The following ZNF248 variants were observed in gnomAD, a reference collection of about 807,000 sequenced individuals.
ZNF248 encodes KRAB protein domain.
ZNF248 carries 20 observed loss-of-function variants against 44.3 expected under a neutral mutation model. The observed-to-expected ratio is 0.45, with a 90% CI of 0.32 to 0.66. The LOEUF (loss-of-function observed/expected upper bound fraction) is 0.66, where lower values mean the gene tolerates loss of function less well. Ranked by LOEUF, ZNF248 falls within the 30% of genes least tolerant of loss-of-function variation. ZNF248 has a pLI of 0.04. For synonymous variants in ZNF248, 224 were observed against 229.0 expected (o/e 0.98, Z 0.20); for missense variants, 654 against 677.0 (o/e 0.97, Z 0.38).
chr10:37,828,622 T>G (rs1428076875), downstream of ZNF248: 1 of 944,870 alleles, frequency 1.1e-6, no homozygotes, highest in African/African-American at 1.8e-5. Context: ...TGCCACCCCG[T>G]GATCACAATG....
At chr10:37,845,238 G>T (rs902178357) in intron 3 of ZNF248, among the ~76,000 whole-genome samples, 6 of 151,664 alleles carry the variant, frequency 4.0e-5, no homozygotes, top group Non-Finnish European at 7.4e-5. Context: ...GGCTGGTCTC[G>T]AACTCCTGGA....
At chr10:37,793,714 T>C (rs1424091531) in intron 6 of ZNF248, among the ~76,000 whole-genome samples, 2 of 152,188 alleles carry the variant, frequency 1.3e-5, no homozygotes, top group Non-Finnish European at 1.5e-5. Flanking sequence ...AGAGACCTTA[T>C]ATGTTTATTT....
intron 6 of ZNF248, among the ~76,000 whole-genome samples, chr10:37,817,047 C>T (rs2052599130): frequency 6.6e-6 from 1 of 152,092 alleles, no homozygotes; most frequent in Admixed American, 6.6e-5. Context: ...CTGTACTAAC[C>T]TGCAATTTAG....
downstream of ZNF248, chr10:37,775,479 C>A (rs2046517046): frequency 6.6e-6 from 1 of 152,072 alleles, no homozygotes; most frequent in Non-Finnish European, 1.5e-5. Flanking sequence ...TTCCTAAAAA[C>A]TGCTGCCCAC....
intron 6 of ZNF248, among the ~76,000 whole-genome samples, chr10:37,821,762 C>A (rs1455917830): frequency 6.6e-6 from 1 of 152,230 alleles, no homozygotes; most frequent in Non-Finnish European, 1.5e-5. Context: ...CTTGAAAACA[C>A]AAGACGCTAA....
intron 6 of ZNF248, among the ~76,000 whole-genome samples, chr10:37,797,058 A>G (rs1276934843): frequency 6.6e-6 from 1 of 152,172 alleles, no homozygotes; most frequent in African/African-American, 2.4e-5. Flanking sequence ...ACCCTTTGAG[A>G]TAGGTTATAT....
chr10:37,855,614 C>A (rs956134591), intron 3 of ZNF248, among the ~76,000 whole-genome samples: 1 of 152,166 alleles, frequency 6.6e-6, no homozygotes, highest in Non-Finnish European at 1.5e-5. Flanking sequence ...ATTACAGACA[C>A]CAACAGAGGA....
intron 6 of ZNF248, among the ~76,000 whole-genome samples, chr10:37,782,154 G>A (rs1160667096): frequency 6.6e-6 from 1 of 152,194 alleles, no homozygotes; most frequent in African/African-American, 2.4e-5. Context: ...CCAAGAGTAT[G>A]TGCAGCCAAC....
At chr10:37,834,578 C>T (rs1463787251) in intron 5 of ZNF248, among the ~76,000 whole-genome samples, 1 of 152,052 alleles carries the variant, frequency 6.6e-6, no homozygotes, top group Non-Finnish European at 1.5e-5. Flanking sequence ...TTTTGGAGAA[C>T]AAAAATCTCA....
downstream of ZNF248, among the ~76,000 whole-genome samples, chr10:37,772,371 C>G (rs74620532): frequency 0.011 from 1,616 of 152,120 alleles, 33 homozygotes; most frequent in African/African-American, 0.037. Context: ...CTGTGTGTGT[C>G]TGTGTGTGTT....
the ZNF248 span, among the ~76,000 whole-genome samples, chr10:37,765,151 T>G: frequency 2.8e-4 from 43 of 152,080 alleles, no homozygotes; most frequent in Non-Finnish European, 5.3e-4. Flanking sequence ...GAGACAGGGT[T>G]TCTCCATGTC....
At chr10:37,779,516 A>G (rs1424588854) in intron 6 of ZNF248, among the ~76,000 whole-genome samples, 1 of 152,036 alleles carries the variant, frequency 6.6e-6, no homozygotes, top group African/African-American at 2.4e-5. Context: ...GACGTATTTC[A>G]AAATAATAAG....
chr10:37,770,303 C>G, the ZNF248 span, among the ~76,000 whole-genome samples: 1 of 152,192 alleles, frequency 6.6e-6, no homozygotes. Context: ...CAAAAAAGAG[C>G]CCGCATCGCC....
intron 6 of ZNF248, among the ~76,000 whole-genome samples, chr10:37,812,229 C>A (rs999282515): frequency 1.3e-5 from 2 of 151,550 alleles, no homozygotes; most frequent in Non-Finnish European, 2.9e-5. Context: ...AGAGCAAGAC[C>A]CTGTCTCAAA....
downstream of ZNF248, among the ~76,000 whole-genome samples, chr10:37,824,019 T>A (rs1016165953): frequency 1.3e-5 from 2 of 152,060 alleles, no homozygotes; most frequent in African/African-American, 4.8e-5. Flanking sequence ...ATAAGATGTA[T>A]ATATAGAAAG....
intron 3 of ZNF248, among the ~76,000 whole-genome samples, chr10:37,843,224 T>C (rs1204524294): frequency 2.0e-5 from 3 of 152,000 alleles, no homozygotes; most frequent in African/African-American, 4.8e-5. Flanking sequence ...GTCAAGACCA[T>C]TCTGGCCAAC....
chr10:37,761,395 A>C, the ZNF248 span, among the ~76,000 whole-genome samples: 1 of 152,246 alleles, frequency 6.6e-6, no homozygotes, highest in Admixed American at 6.5e-5. Context: ...AAAGGTGTGA[A>C]CTGATCACAT....
chr10:37,824,416 C>A (rs1265077110), downstream of ZNF248, among the ~76,000 whole-genome samples: 1 of 151,982 alleles, frequency 6.6e-6, no homozygotes, highest in Non-Finnish European at 1.5e-5. Context: ...ATGACCCAGT[C>A]AAGTTGACAT....
intron 6 of ZNF248, among the ~76,000 whole-genome samples, chr10:37,808,285 T>TC (rs1256948674): frequency 7.3e-5 from 11 of 151,248 alleles, no homozygotes; most frequent in Middle Eastern, 3.4e-3. Flanking sequence ...TTTCTTTTTT[T>TC]TTTTTTTTCT....
Sources: gnomAD v4.1 joint callset for allele counts (sites outside exome capture counted in the v4.1 genomes callset) on GRCh38, gnomAD v4.1.1 for gene constraint, MANE v1.5 for transcripts, NCBI Gene and HGNC (gene_info 2026-07-23, HGNC 2026-07-21) for gene names.